PROK2: variants seen among roughly 807,000 people sequenced by gnomAD.
The protein encoded by PROK2 is prokineticin 2.
Under a neutral mutation model 14.2 loss-of-function variants are expected in PROK2, and 8 were observed. The ratio of observed to expected loss-of-function variants is 0.56; its 90% confidence interval spans 0.33 to 1.02. The LOEUF is 1.02. Among genes scored for constraint, PROK2 ranks in the 50% least tolerant of loss-of-function variants. PROK2 has a pLI of 0.03. For synonymous variants in PROK2, 59 were observed against 60.7 expected (o/e 0.97, Z 0.13); for missense variants, 154 against 160.4 (o/e 0.96, Z 0.22).
At chr3:71,782,639 A>G (rs1039145415) in intron 1 of PROK2, among the ~76,000 whole-genome samples, 2 of 152,216 alleles carry the variant, frequency 1.3e-5, no homozygotes, top group Non-Finnish European at 1.5e-5. Context: ...TATATGTAAG[A>G]AACTAAAACC....
At chr3:71,775,541 C>T (rs146139809) in intron 2 of PROK2, among the ~76,000 whole-genome samples, 22 of 152,274 alleles carry the variant, frequency 1.4e-4, no homozygotes, top group African/African-American at 3.9e-4. Flanking sequence ...ATGGATTGTG[C>T]GCCATGGGTC....
Position 71,785,108 on chromosome 3 carries a change from G to T in PROK2, c.-56C>A. 8.9e-7 allele frequency: 1 copy of T among 1,128,170 alleles called. No individual in the cohort carries two copies. The allele number at this position is 1,128,170 out of a possible 1,614,324, so 69.9% of individuals were successfully genotyped here. A position where few individuals can be genotyped will look rare whatever the true frequency, so the allele number is the denominator to read the frequency against. ...GCAGTTGGGGGCGCGGGGCCCGGGT[G>T]CGCTGGGTGGAGCGCGGAGCGGCGG... On this transcript the variant is annotated 5_prime_UTR_variant, in exon 1 of 4. Coordinates refer to ENST00000295619, the MANE Select transcript of PROK2 (RefSeq NM_001126128.2).
chr3:71,774,370 A>G (rs984061626), intron 3 of PROK2, 75 bp downstream of exon 3: 38 of 1,550,524 alleles, frequency 2.5e-5, no homozygotes, highest in Admixed American at 3.9e-5. Flanking sequence ...ACCCAACTCT[A>G]TGGTAGTCCA....
In PROK2 at chr3:71,785,031, G is replaced by T; in HGVS notation, c.22C>A (p.Pro8Thr). Residue 8 changes from proline (P) to threonine (T), a missense_variant, in exon 1 of 4, where the codon CCA becomes ACA. Physicochemically the swap from Pro to Thr is conservative, Grantham distance 38. Coordinates refer to ENST00000295619, the MANE Select transcript of PROK2 (RefSeq NM_001126128.2). MRSLCCA[P>T]LLLLLLLPPL... The stretch of plus-strand genomic sequence containing the variant: ...GGCAGCAGCAAGAGGAGCAGGAGTG[G>T]GGCGCAGCACAGGCTCCTCATGGCG... 8.0e-7 allele frequency: 1 copy of T among 1,244,372 alleles called. No individual in the cohort carries two copies. The highest frequency in any genetic ancestry group is 1.0e-6 in the Non-Finnish European group (1 of 990,860). 77.1% of individuals were successfully genotyped at this position (1,244,372 alleles called of 1,614,324 possible).
In PROK2 at chr3:71,772,108, T is replaced by C. The variant is rs1489605673; in HGVS notation, c.*616A>G. On this transcript the variant is annotated 3_prime_UTR_variant, in exon 4 of 4. Coordinates refer to ENST00000295619, the MANE Select transcript of PROK2 (RefSeq NM_001126128.2). ...AGCAGCACTCCTAGCTTCCGTGCCA[T>C]GACAGGAGTTTGGAGTGTCAAGTTC... 6.5e-6 allele frequency: 1 copy of C among 154,064 alleles called. No homozygotes were observed. 9.5% of individuals were successfully genotyped at this position (154,064 alleles called of 1,614,324 possible).
chr3:71,772,609 A>G lies in PROK2; in HGVS notation c.*115T>C. 1.2e-6 allele frequency: 1 copy of G among 859,544 alleles called. No homozygotes were observed. Among genetic ancestry groups the G allele is most frequent in the South Asian group, 1.5e-5 (1 of 67,738 alleles). 53.2% of individuals were successfully genotyped at this position (859,544 alleles called of 1,614,324 possible). A position where few individuals can be genotyped will look rare whatever the true frequency, so the allele number is the denominator to read the frequency against. On this transcript the variant is annotated 3_prime_UTR_variant, in exon 4 of 4. Coordinates refer to ENST00000295619, the MANE Select transcript of PROK2 (RefSeq NM_001126128.2). Reference sequence around the variant, plus strand: ...AATCAAAGATAAAAATGTTACTTGGAAAGTTGAGGAAGCAAGAGCATTTCT... The same window carrying G: ...AATCAAAGATAAAAATGTTACTTGGGAAGTTGAGGAAGCAAGAGCATTTCT...
chr3:71,784,726 G>A (rs1441972636), intron 1 of PROK2, among the ~76,000 whole-genome samples: 2 of 152,224 alleles, frequency 1.3e-5, no homozygotes, highest in African/African-American at 4.8e-5. Flanking sequence ...AAGGTGGTGG[G>A]CGACATCCTT....
At chr3:71,776,207 C>A (rs1017506531) in intron 2 of PROK2, among the ~76,000 whole-genome samples, 7 of 152,156 alleles carry the variant, frequency 4.6e-5, no homozygotes, top group African/African-American at 1.7e-4. Flanking sequence ...CTGACCCTAA[C>A]ATAATGATTA....
At chr3:71,780,157 G>T (rs746306767) in intron 2 of PROK2, among the ~76,000 whole-genome samples, 1 of 152,190 alleles carries the variant, frequency 6.6e-6, no homozygotes, top group African/African-American at 2.4e-5. Flanking sequence ...TTGCAGTCTT[G>T]CATGGTAAAA....
intron 3 of PROK2, among the ~76,000 whole-genome samples, chr3:71,773,243 C>T (rs2050093907): frequency 6.6e-6 from 1 of 152,194 alleles, no homozygotes; most frequent in African/African-American, 2.4e-5. Context: ...GCCTCTCAAA[C>T]TGCTGGGATT....
chr3:71,777,856 T>G (rs548188581), intron 2 of PROK2, among the ~76,000 whole-genome samples: 12 of 151,984 alleles, frequency 7.9e-5, no homozygotes, highest in African/African-American at 2.7e-4. Flanking sequence ...GTCTTTTTTT[T>G]TTTTTAAACA....
intron 3 of PROK2, among the ~76,000 whole-genome samples, chr3:71,773,431 C>A (rs952738604): frequency 8.5e-5 from 13 of 152,170 alleles, no homozygotes. Flanking sequence ...AAACTTGAAG[C>A]TTGGCTAGCA....
Position 71,781,588 on chromosome 3 carries a change from C to T in PROK2, c.101G>A (p.Cys34Tyr), listed in dbSNP as rs587777864. 5 of 1,611,186 alleles carry T rather than the reference C, an allele frequency of 3.1e-6. No homozygotes were observed. The highest frequency in any genetic ancestry group is 4.2e-6 in the Non-Finnish European group (5 of 1,177,444). The change falls in exon 2 of 4, where the codon TGT becomes TAT. Residue 34 changes from cysteine (C) to tyrosine (Y), a missense_variant. Physicochemically the swap from Cys to Tyr is radical, Grantham distance 194. Transcript: ENST00000295619. Reference sequence around the variant, plus strand: ...TCCACCACATTGGGAGTCCTTGTCACAAGCCTGAAATGTAATAAACAAACA... The same window carrying T: ...TCCACCACATTGGGAGTCCTTGTCATAAGCCTGAAATGTAATAAACAAACA... Reference protein sequence around the residue: ...AGDAAVITGACDKDSQCGGGM... With the variant: ...AGDAAVITGAYDKDSQCGGGM...
Position 71,780,046 on chromosome 3 carries a change from C to T in PROK2, c.222+1421G>A, listed in dbSNP as rs757895160. On this transcript the variant is annotated intron_variant, in intron 2 of 3. Coordinates refer to ENST00000295619, the MANE Select transcript of PROK2 (RefSeq NM_001126128.2). The stretch of plus-strand genomic sequence containing the variant: ...GAAATGCTAAAGGCAGCTGGGCCAG[C>T]GGCCCCTCTTCTAGGGAAGTTTGGC... 8.1e-4 allele frequency among the ~76,000 whole-genome samples: 123 copies of T among 152,206 alleles called. 2 individuals are homozygous for T. Among genetic ancestry groups the T allele is most frequent in the Non-Finnish European group, 4.4e-4 (30 of 68,034 alleles).
At chr3:71,784,258 C>G (rs977457428) in intron 1 of PROK2, among the ~76,000 whole-genome samples, 1 of 152,062 alleles carries the variant, frequency 6.6e-6, no homozygotes, top group Non-Finnish European at 1.5e-5. Context: ...ATGAAAACAT[C>G]GTCTCTAAGT....
chr3:71,772,816 C>A lies in PROK2; in HGVS notation c.298G>T (p.Gly100Trp). 6.2e-7 allele frequency: 1 copy of A among 1,613,976 alleles called. No individual in the cohort carries two copies. The highest frequency in any genetic ancestry group is 8.5e-7 in the Non-Finnish European group (1 of 1,179,932). The change falls in exon 4 of 4, where the codon GGG becomes TGG. Residue 100 changes from glycine to tryptophan, a missense_variant. Physicochemically the swap from Gly to Trp is radical, Grantham distance 184. Coordinates refer to ENST00000295619, the MANE Select transcript of PROK2 (RefSeq NM_001126128.2). ...GGGCAAGTGTGATGCATCCTCCGCC[C>A]AAAAAATGGAACCTAAATAAAAAAG... ...SKRKKEVPFFGRRMHHTCPCL... is the reference protein window; with the variant it reads ...SKRKKEVPFFWRRMHHTCPCL...
intron 3 of PROK2, among the ~76,000 whole-genome samples, chr3:71,773,839 T>C (rs1239888358): frequency 6.6e-6 from 1 of 152,164 alleles, no homozygotes; most frequent in African/African-American, 2.4e-5. Context: ...GCGAGCATGG[T>C]GGTTGTCTGT....
chr3:71,776,449 CT>C (rs2050120867), intron 2 of PROK2, among the ~76,000 whole-genome samples: 2 of 135,600 alleles, frequency 1.5e-5, no homozygotes, highest in Non-Finnish European at 3.0e-5. Flanking sequence ...ATGATCTCAG[CT>C]CACTGTAGCC....
At chr3:71,774,540 A>G in intron 2 of PROK2, 33 bp from the exon 3 acceptor site, 1 of 1,547,620 alleles carries the variant, frequency 6.5e-7, no homozygotes. Flanking sequence ...TGAGATCAAT[A>G]AATACAAAGG....
Sources: allele counts gnomAD v4.1 joint callset (sites outside exome capture counted in the v4.1 genomes callset), GRCh38; gene constraint gnomAD v4.1.1; transcripts MANE v1.5; gene names NCBI Gene and HGNC (gene_info 2026-07-23, HGNC 2026-07-21).